Variants in TBCK observed in about 807,000 individuals in gnomAD.
The protein encoded by TBCK is TBC domain-containing protein kinase-like protein.
Under a neutral mutation model 113.4 loss-of-function variants are expected in TBCK, and 99 were observed. That is an observed-to-expected ratio of 0.87 (90% CI 0.74 to 1.03). The LOEUF is 1.03. Among genes scored for constraint, TBCK ranks in the 50% least tolerant of loss-of-function variants. The pLI is 0.00. For missense variants in TBCK, 1,045 were observed against 1,061.3 expected, an observed-to-expected ratio of 0.98 and a Z score of 0.21; for synonymous variants, 369 against 370.8, an observed-to-expected ratio of 1.00 and a Z score of 0.05.
intron 25 of TBCK, among the ~76,000 whole-genome samples, chr4:106,077,505 A>C (rs1473059103): frequency 6.6e-6 from 1 of 152,230 alleles, no homozygotes; most frequent in Non-Finnish European, 1.5e-5. Context: ...CAGAAACAGC[A>C]GGGGTTGCTA....
rs1300782454 is a variant in TBCK at position 106,255,295 on chromosome 4, T to C, written c.456-3288A>G. Among the ~76,000 whole-genome samples, 3 of 152,238 alleles carry C rather than the reference T, an allele frequency of 2.0e-5. No homozygotes were observed. The East Asian group carries it at 5.8e-4, about 29-fold the overall frequency. On this transcript the variant is annotated intron_variant, in intron 5 of 25. Transcript: ENST00000394708. Reference sequence around the variant, plus strand: ...TTGCCTGAGTTTTGCTGGGACCCACTGGGCCCGTTCCATCCACTTGGACTG... The same window carrying C: ...TTGCCTGAGTTTTGCTGGGACCCACCGGGCCCGTTCCATCCACTTGGACTG...
intron 25 of TBCK, among the ~76,000 whole-genome samples, chr4:106,053,610 G>C (rs1039557365): frequency 5.3e-5 from 8 of 151,456 alleles, no homozygotes; most frequent in African/African-American, 1.9e-4. Flanking sequence ...TAGTCCCACA[G>C]GTTTAAGTCC....
chr4:106,154,241 C>T (rs999363384), intron 23 of TBCK, among the ~76,000 whole-genome samples: 4 of 151,756 alleles, frequency 2.6e-5, no homozygotes, highest in African/African-American at 9.7e-5. Flanking sequence ...TTTGATTTGA[C>T]GTTACCATGA....
At chr4:106,248,752 T>G (rs1761105714) in intron 8 of TBCK, among the ~76,000 whole-genome samples, 169 bp downstream of exon 8, 1 of 152,208 alleles carries the variant, frequency 6.6e-6, no homozygotes, top group African/African-American at 2.4e-5. Context: ...TGTTTCTCTC[T>G]CAGAAGACTG....
chr4:106,300,217 G>C (rs1318581137), intron 2 of TBCK, among the ~76,000 whole-genome samples: 1 of 152,188 alleles, frequency 6.6e-6, no homozygotes, highest in Non-Finnish European at 1.5e-5. Context: ...ACGTGGAACT[G>C]TAAGTCCATT....
In TBCK at chr4:106,045,894, C is replaced by T. The variant is rs1000783317; in HGVS notation, c.*676G>A. The T allele has an allele frequency of 1.3e-5, 2 of 152,180 alleles. No homozygotes were observed. The highest frequency in any genetic ancestry group is 4.8e-5 in the African/African-American group (2 of 41,424). 9.4% of individuals were successfully genotyped at this position (152,180 alleles called of 1,614,324 possible). A position where few individuals can be genotyped will look rare whatever the true frequency, so the allele number is the denominator to read the frequency against. ...ACTAGCCCTGGACTGACTGTACAGA[C>T]TTTCATGTGATAAAGAAACTAGAAA... is the stretch of plus-strand genomic sequence containing the variant. On this transcript the variant is annotated 3_prime_UTR_variant, in exon 26 of 26. Coordinates refer to ENST00000394708, the MANE Select transcript of TBCK (RefSeq NM_001163435.3).
chr4:106,261,259 G>T (rs1762476763), intron 4 of TBCK, among the ~76,000 whole-genome samples: 1 of 151,854 alleles, frequency 6.6e-6, no homozygotes, highest in Non-Finnish European at 1.5e-5. Context: ...TGAAACTAAT[G>T]AGTACAATTT....
intron 2 of TBCK, among the ~76,000 whole-genome samples, chr4:106,306,870 T>A (rs892931476): frequency 6.6e-6 from 1 of 152,156 alleles, no homozygotes; most frequent in African/African-American, 2.4e-5. Flanking sequence ...AATCAATCAA[T>A]CAAAGTCAAC....
chr4:106,284,629 A>G (rs1268506632), intron 3 of TBCK, among the ~76,000 whole-genome samples: 1 of 152,132 alleles, frequency 6.6e-6, no homozygotes, highest in African/African-American at 2.4e-5. Context: ...CAATGTAGAA[A>G]CTCTATTACA....
intron 25 of TBCK, among the ~76,000 whole-genome samples, chr4:106,091,837 T>G (rs1197516193): frequency 6.6e-6 from 1 of 152,188 alleles, no homozygotes; most frequent in African/African-American, 2.4e-5. Context: ...TTTTATTCTC[T>G]TATCTGGCCC....
At chr4:106,284,726 T>C (rs1251679220) in intron 3 of TBCK, among the ~76,000 whole-genome samples, 2 of 152,142 alleles carry the variant, frequency 1.3e-5, no homozygotes, top group African/African-American at 4.8e-5. Flanking sequence ...CTCTGAATAA[T>C]TCTAACACAA....
At chr4:106,088,442 G>A (rs559527217) in intron 25 of TBCK, among the ~76,000 whole-genome samples, 1 of 152,238 alleles carries the variant, frequency 6.6e-6, no homozygotes, top group Admixed American at 6.5e-5. Flanking sequence ...AAAAAGTCAG[G>A]AAACTATAGA....
At chr4:106,178,991 C>G (rs1033158063) in intron 22 of TBCK, among the ~76,000 whole-genome samples, 13 of 151,714 alleles carry the variant, frequency 8.6e-5, no homozygotes, top group Non-Finnish European at 1.5e-4. Context: ...GAAATTTATT[C>G]ATCTCTTCAT....
chr4:106,051,880 G>A (rs1012095589), intron 25 of TBCK, among the ~76,000 whole-genome samples: 6 of 151,848 alleles, frequency 4.0e-5, no homozygotes, highest in Non-Finnish European at 5.9e-5. Flanking sequence ...GCCCATCTCA[G>A]TGCTCTCAAT....
intron 24 of TBCK, among the ~76,000 whole-genome samples, chr4:106,109,462 A>G (rs1181956856): frequency 1.3e-5 from 2 of 152,206 alleles, no homozygotes; most frequent in Non-Finnish European, 1.5e-5. Context: ...GAGCCTAGAA[A>G]TAAGGCCACA....
intron 19 of TBCK, chr4:106,213,554 G>A (rs554210805): frequency 5.8e-5 from 9 of 154,230 alleles, no homozygotes; most frequent in East Asian, 3.8e-4. Flanking sequence ...TGCCTCACTC[G>A]GGAAGCGCAA....
At chr4:106,136,301 T>C (rs1379585040) in intron 23 of TBCK, among the ~76,000 whole-genome samples, 1 of 141,032 alleles carries the variant, frequency 7.1e-6, no homozygotes, top group African/African-American at 2.5e-5. Flanking sequence ...CTACTACCTC[T>C]CTACCTCCTT....
At chr4:106,196,943 A>T (rs1039789121) in intron 20 of TBCK, among the ~76,000 whole-genome samples, 1 of 152,104 alleles carries the variant, frequency 6.6e-6, no homozygotes, top group African/African-American at 2.4e-5. Context: ...CTTCATCAAG[A>T]TCTATGGAAG....
chr4:106,171,489 A>G (rs1318343636), intron 22 of TBCK, among the ~76,000 whole-genome samples: 1 of 152,102 alleles, frequency 6.6e-6, no homozygotes, highest in Non-Finnish European at 1.5e-5. Flanking sequence ...ATATTTGTAA[A>G]TGTATCTACT....
Sources: gnomAD v4.1 joint callset for allele counts (sites outside exome capture counted in the v4.1 genomes callset) on GRCh38, gnomAD v4.1.1 for gene constraint, MANE v1.5 for transcripts, NCBI Gene and HGNC (gene_info 2026-07-23, HGNC 2026-07-21) for gene names.